The following ZNF382 variants were observed in gnomAD, a reference collection of about 807,000 sequenced individuals.
ZNF382 encodes KRAB/zinc finger suppressor protein 1.
A neutral mutation model predicts 38.8 loss-of-function variants in ZNF382; 20 were observed. The ratio of observed to expected loss-of-function variants is 0.51; its 90% CI spans 0.36 to 0.75. The LOEUF (loss-of-function observed/expected upper bound fraction) is 0.75, where lower values mean the gene tolerates loss of function less well. ZNF382 is among the 30% of genes least tolerant of loss of function. The pLI is 0.00. For missense variants in ZNF382, 546 were observed against 654.1 expected, an observed-to-expected ratio of 0.83 and a Z score of 1.80; for synonymous variants, 202 against 223.1, an observed-to-expected ratio of 0.91 and a Z score of 0.84.
chr19:36,625,027 C>T (rs1186836562), intron 4 of ZNF382, among the ~76,000 whole-genome samples: 1 of 144,690 alleles, frequency 6.9e-6, no homozygotes, highest in Admixed American at 7.3e-5. Flanking sequence ...AGGATCAAAC[C>T]ACTGTATTCC....
At position 36,610,040 on chromosome 19, in the gene ZNF382, C is replaced by T; in HGVS notation, c.126C>T (p.His42=). Residue 42 remains histidine, a synonymous_variant, in exon 3 of 5, where the codon CAC becomes CAT. Transcript: ENST00000292928. ...YRDVMLENYC[H]FVSVGFHMAK... ...ATGTGATGTTGGAAAACTATTGCCACTTCGTATCTGTGGGTAAGAAACACT... is the reference window on the plus strand; with the variant it reads ...ATGTGATGTTGGAAAACTATTGCCATTTCGTATCTGTGGGTAAGAAACACT... The T allele has an allele frequency of 6.2e-7, 1 of 1,613,536 alleles. No homozygotes were observed.
intron 4 of ZNF382, among the ~76,000 whole-genome samples, chr19:36,613,559 G>A (rs1449674171): frequency 6.6e-6 from 1 of 151,578 alleles, no homozygotes; most frequent in African/African-American, 2.4e-5. Context: ...TCCTGCCTCA[G>A]CCTCCCGAGT....
At position 36,629,055 on chromosome 19, in the gene ZNF382, A is replaced by T. The variant is rs2037236702; in HGVS notation, c.*1505A>T. The T allele has an allele frequency of 7.0e-6, 1 of 142,648 alleles. No individual in the cohort carries two copies. The highest frequency in any genetic ancestry group is 2.6e-5 in the African/African-American group (1 of 37,904). 8.8% of individuals were successfully genotyped at this position (142,648 alleles called of 1,614,324 possible). Reference sequence around the variant, plus strand: ...TGGCTCACTGCAGCCTCTGCCTCCCAGGTTCCAGTGATTCTCCTGCCTCAG... The same window carrying T: ...TGGCTCACTGCAGCCTCTGCCTCCCTGGTTCCAGTGATTCTCCTGCCTCAG... On this transcript the variant is annotated 3_prime_UTR_variant, in exon 5 of 5. Transcript: ENST00000292928.
Position 36,626,396 on chromosome 19 carries a change from T to C in ZNF382, c.499T>C (p.Trp167Arg). The change falls in exon 5 of 5, where the codon TGG becomes CGG. Residue 167 changes from tryptophan (W) to arginine (R), a missense_variant. Physicochemically the swap from Trp to Arg is moderately radical, Grantham distance 101. Coordinates refer to ENST00000292928, the MANE Select transcript of ZNF382 (RefSeq NM_032825.5). Reference protein sequence around the residue: ...IKEKFGDSTGWEKSLLNTKHE... With the variant: ...IKEKFGDSTGREKSLLNTKHE... ...AGAGAAGTTTGGTGACAGTACTGGA[T>C]GGGAGAAATCACTCCTCAATACCAA... 6.3e-7 allele frequency: 1 copy of C among 1,598,592 alleles called. No homozygotes were observed. Among genetic ancestry groups the C allele is most frequent in the South Asian group, 1.1e-5 (1 of 87,566 alleles).
chr19:36,609,302 T>C (rs2037058867), intron 2 of ZNF382: 1 of 152,222 alleles, frequency 6.6e-6, no homozygotes, highest in African/African-American at 2.4e-5. Flanking sequence ...TTAAGACCAC[T>C]GTTCTGTAGG....
At position 36,616,411 on chromosome 19, in the gene ZNF382, T is replaced by A. The variant is rs574069020; in HGVS notation, c.232+5669T>A. On this transcript the variant is annotated intron_variant, in intron 4 of 4. Transcript: ENST00000292928. The stretch of plus-strand genomic sequence containing the variant: ...ATAATTAATTAATACCATCTAGAGG[T>A]AAGAAAATATCACATATACATAACA... 2.0e-5 allele frequency among the ~76,000 whole-genome samples: 3 copies of A among 152,188 alleles called. No individual in the cohort carries two copies. The South Asian group carries it at 6.2e-4, about 32-fold the overall frequency.
rs1358548025 is a variant in ZNF382 at position 36,609,908 on chromosome 19, CTAGAG to C, written c.-4_1del. 6.2e-7 allele frequency: 1 copy of C among 1,606,558 alleles called. No homozygotes were observed. Among genetic ancestry groups the C allele is most frequent in the African/African-American group, 1.3e-5 (1 of 74,440 alleles). On this transcript the variant is annotated 5_prime_UTR_variant, in exon 3 of 5. The change abolishes the stop of an existing upstream ORF in the 5' untranslated region. Transcript: ENST00000292928. ...ACATTTCCGATCACTTCAGGATGAA[CTAGAG>C]TATGCCCTTACAGGGATCAGTGTCA...
At chr19:36,609,335 C>T (rs2037059174) in intron 2 of ZNF382, 1 of 152,230 alleles carries the variant, frequency 6.6e-6, no homozygotes, top group Non-Finnish European at 1.5e-5. Flanking sequence ...AGTATCATGT[C>T]ATAATATCCC....
rs2037063489 is a variant in ZNF382, at chr19:36,609,912, A to T, written c.-3A>T. ...TTCCGATCACTTCAGGATGAACTAGAGTATGCCCTTACAGGGATCAGTGTC... is the reference window on the plus strand; with the variant it reads ...TTCCGATCACTTCAGGATGAACTAGTGTATGCCCTTACAGGGATCAGTGTC... On this transcript the variant is annotated 5_prime_UTR_variant, in exon 3 of 5. Coordinates refer to ENST00000292928, the MANE Select transcript of ZNF382 (RefSeq NM_032825.5). 6.2e-7 allele frequency: 1 copy of T among 1,609,252 alleles called. No individual in the cohort carries two copies. Among genetic ancestry groups the T allele is most frequent in the Non-Finnish European group, 8.5e-7 (1 of 1,178,654 alleles).
rs2037255971 is a variant in ZNF382 at position 36,631,830 on chromosome 19, T to G, written c.*4280T>G. On this transcript the variant is annotated 3_prime_UTR_variant, in exon 5 of 5. Transcript: ENST00000292928. The stretch of plus-strand genomic sequence containing the variant: ...CTAAGGAGCAAACATGTTTATAGAA[T>G]CTAAGTCAACTTGACCTAAACATAT... 6.6e-6 allele frequency: 1 copy of G among 152,194 alleles called. No homozygotes were observed. Among genetic ancestry groups the G allele is most frequent in the Non-Finnish European group, 1.5e-5 (1 of 68,034 alleles). The allele number at this position is 152,194 out of a possible 1,614,324, so 9.4% of individuals were successfully genotyped here. A position where few individuals can be genotyped will look rare whatever the true frequency, so the allele number is the denominator to read the frequency against.
In ZNF382 at chr19:36,626,490, A is replaced by T; in HGVS notation, c.593A>T (p.Glu198Val). 6.2e-7 allele frequency: 1 copy of T among 1,603,368 alleles called. No homozygotes were observed. The highest frequency in any genetic ancestry group is 8.5e-7 in the Non-Finnish European group (1 of 1,176,832). Reference protein sequence around the residue: ...QTERVLSGKQELIQHQKVQAP... With the variant: ...QTERVLSGKQVLIQHQKVQAP... ...GAAAGAGTTCTCAGTGGTAAACAGG[A>T]GCTTATTCAGCATCAGAAGGTTCAA... Residue 198 changes from glutamate (E) to valine (V), a missense_variant, in exon 5 of 5, where the codon GAG becomes GTG. Glu to Val is a moderately radical substitution (Grantham distance 121, BLOSUM62 -2). Transcript: ENST00000292928.
intron 4 of ZNF382, among the ~76,000 whole-genome samples, chr19:36,622,381 C>T (rs2037177241): frequency 6.6e-6 from 1 of 152,120 alleles, no homozygotes; most frequent in South Asian, 2.1e-4. Context: ...GTTATACTCA[C>T]AGTTACAGTT....
At position 36,610,698 on chromosome 19, in the gene ZNF382, A is replaced by G. The variant is rs1295167429; in HGVS notation, c.188A>G (p.Glu63Gly). Residue 63 changes from glutamate to glycine, a missense_variant, in exon 4 of 5, where the codon GAA (glutamate) becomes GGA (glycine). Physicochemically the swap from Glu to Gly is moderately conservative, Grantham distance 98. Transcript: ENST00000292928. ...ATGATCCGCAAGTTGGAACAAGGAG[A>G]AGAGCTATGGACACAGAGAATTTTT... ...PDMIRKLEQG[E>G]ELWTQRIFPS... The G allele has an allele frequency of 6.2e-7, 1 of 1,613,572 alleles. No individual in the cohort carries two copies. The highest frequency in any genetic ancestry group is 1.1e-5 in the South Asian group (1 of 91,052).
At chr19:36,610,985 A>G (rs1049626511) in intron 4 of ZNF382, among the ~76,000 whole-genome samples, 2 of 152,200 alleles carry the variant, frequency 1.3e-5, no homozygotes, top group African/African-American at 2.4e-5. Flanking sequence ...CCATGAAACA[A>G]TAACTTCCCC....
intron 2 of ZNF382, 126 bp from the exon 3 acceptor site, chr19:36,609,776 A>G (rs767524596): frequency 4.6e-5 from 38 of 823,592 alleles, no homozygotes; most frequent in Non-Finnish European, 6.5e-5. Context: ...GTAAATACAA[A>G]TGGATGTATT....
At position 36,632,510 on chromosome 19, in the gene ZNF382, G is replaced by A. The variant is rs747366010; in HGVS notation, c.*4960G>A. 4 of 152,228 alleles carry A rather than the reference G, an allele frequency of 2.6e-5. No individual in the cohort carries two copies. Among genetic ancestry groups the A allele is most frequent in the Non-Finnish European group, 4.4e-5 (3 of 68,070 alleles). 9.4% of individuals were successfully genotyped at this position (152,228 alleles called of 1,614,324 possible). On this transcript the variant is annotated 3_prime_UTR_variant, in exon 5 of 5. Transcript: ENST00000292928. ...GCCCAGCCACTGCATGGGTATTTAT[G>A]CTTCTCTGTTCACTGGTTACATAGT...
Position 36,627,625 on chromosome 19 carries a change from A to C in ZNF382, c.*75A>C. On this transcript the variant is annotated 3_prime_UTR_variant, in exon 5 of 5. Transcript: ENST00000292928. ...AGATGATGTTGCTTGCAAGCGTAAT[A>C]TCCAACAGTTTAAGGTACTATACCA... 1 of 1,140,680 alleles carries C rather than the reference A, an allele frequency of 8.8e-7. No homozygotes were observed. The highest frequency in any genetic ancestry group is 1.3e-6 in the Non-Finnish European group (1 of 785,140). The allele number at this position is 1,140,680 out of a possible 1,614,324, so 70.7% of individuals were successfully genotyped here.
At chr19:36,615,491 C>T (rs1395007534) in intron 4 of ZNF382, among the ~76,000 whole-genome samples, 1 of 152,122 alleles carries the variant, frequency 6.6e-6, no homozygotes, top group African/African-American at 2.4e-5. Flanking sequence ...TTTAACAGAT[C>T]CAAAGAGCTT....
At chr19:36,624,565 A>C (rs377465080) in intron 4 of ZNF382, among the ~76,000 whole-genome samples, 1 of 152,260 alleles carries the variant, frequency 6.6e-6, no homozygotes, top group African/African-American at 2.4e-5. Context: ...TGCTCTGCAC[A>C]TACATTGAAG....
Sources: allele counts gnomAD v4.1 joint callset (sites outside exome capture counted in the v4.1 genomes callset), GRCh38; gene constraint gnomAD v4.1.1; transcripts MANE v1.5; gene names NCBI Gene and HGNC (gene_info 2026-07-23, HGNC 2026-07-21).